The following CDH4 variants were observed in gnomAD, a reference collection of about 807,000 sequenced individuals.
CDH4 encodes cadherin 4.
Under a neutral mutation model 86.0 loss-of-function variants are expected in CDH4, and 33 were observed. That is an observed-to-expected ratio of 0.38 (90% CI 0.29 to 0.51). CDH4 has a LOEUF of 0.51. CDH4 is among the 20% of genes least tolerant of loss of function. The pLI is 0.86. For missense variants in CDH4, 1,114 were observed against 1,307.4 expected, an observed-to-expected ratio of 0.85 and a Z score of 2.28; for synonymous variants, 555 against 549.4, an observed-to-expected ratio of 1.01 and a Z score of -0.14.
At chr20:61,445,896 C>T (rs2085347384) in intron 2 of CDH4, among the ~76,000 whole-genome samples, 1 of 152,236 alleles carries the variant, frequency 6.6e-6, no homozygotes, top group African/African-American at 2.4e-5. Context: ...CTGAAGGAGG[C>T]CATCTGTGGG....
At chr20:61,543,445 G>T (rs774181934) in intron 2 of CDH4, among the ~76,000 whole-genome samples, 1 of 152,222 alleles carries the variant, frequency 6.6e-6, no homozygotes. Context: ...TTGGTTGGCA[G>T]TACTTGGTTG....
intron 2 of CDH4, among the ~76,000 whole-genome samples, chr20:61,355,984 C>G (rs891028200): frequency 1.3e-5 from 2 of 152,254 alleles, no homozygotes; most frequent in African/African-American, 4.8e-5. Flanking sequence ...GTTTCGGATG[C>G]ATAAAGTTTA....
intron 2 of CDH4, among the ~76,000 whole-genome samples, chr20:61,286,004 C>G (rs575704352): frequency 4.2e-4 from 64 of 152,322 alleles, no homozygotes; most frequent in South Asian, 1.7e-3. Flanking sequence ...TTTCCTTCCC[C>G]CTTCCTATGA....
chr20:61,326,205 C>T (rs1318340954), intron 2 of CDH4, among the ~76,000 whole-genome samples: 5 of 152,266 alleles, frequency 3.3e-5, no homozygotes, highest in Middle Eastern at 3.4e-3. Context: ...ACTTCTCCAC[C>T]GCACTGCCTT....
chr20:61,889,293 C>CATGGATGGATGG (rs59254816), intron 7 of CDH4, among the ~76,000 whole-genome samples: 17 of 141,852 alleles, frequency 1.2e-4, no homozygotes, highest in African/African-American at 3.4e-4. Context: ...CTCTTTAAAG[C>CATGGATGGATGG]ATGGATGGAT....
intron 4 of CDH4, among the ~76,000 whole-genome samples, chr20:61,795,135 ATG>A: frequency 1.3e-5 from 1 of 74,146 alleles, no homozygotes; most frequent in African/African-American, 5.5e-5. Flanking sequence ...GATGATGGAA[ATG>A]ATGGTAGTGG....
At chr20:61,363,351 G>T (rs566247932) in intron 2 of CDH4, among the ~76,000 whole-genome samples, 1 of 152,236 alleles carries the variant, frequency 6.6e-6, no homozygotes, top group East Asian at 1.9e-4. Flanking sequence ...CAGGAAAACA[G>T]ATAGATTCCT....
At chr20:61,721,763 C>T (rs1211224172) in intron 2 of CDH4, among the ~76,000 whole-genome samples, 1 of 152,190 alleles carries the variant, frequency 6.6e-6, no homozygotes, top group East Asian at 1.9e-4. Context: ...TATCAATCAC[C>T]TCCAAACTGA....
chr20:61,927,886 G>A (rs1343277688), intron 11 of CDH4, among the ~76,000 whole-genome samples: 2 of 151,994 alleles, frequency 1.3e-5, no homozygotes, highest in Non-Finnish European at 2.9e-5. Context: ...GTGGCTGTGT[G>A]CGTGTGTGCA....
chr20:61,358,918 G>A (rs879711405), intron 2 of CDH4, among the ~76,000 whole-genome samples: 100 of 152,270 alleles, frequency 6.6e-4, no homozygotes, highest in African/African-American at 2.1e-3. Flanking sequence ...GGTTTACTCC[G>A]TGATTCACCG....
chr20:61,467,789 C>G (rs766374769), intron 2 of CDH4, among the ~76,000 whole-genome samples: 7 of 152,202 alleles, frequency 4.6e-5, no homozygotes, highest in Non-Finnish European at 7.4e-5. Flanking sequence ...ACCACCCTCA[C>G]TGCTGACACC....
intron 2 of CDH4, among the ~76,000 whole-genome samples, chr20:61,344,539 T>C (rs2084666507): frequency 6.6e-6 from 1 of 152,218 alleles, no homozygotes; most frequent in Non-Finnish European, 1.5e-5. Context: ...AATGGCCTCA[T>C]GTATTTTTGT....
chr20:61,536,686 C>T (rs2085999832), intron 2 of CDH4, among the ~76,000 whole-genome samples: 2 of 152,256 alleles, frequency 1.3e-5, no homozygotes, highest in African/African-American at 4.8e-5. Context: ...TATGTGCATA[C>T]ATACGTCTAG....
At chr20:61,925,976 T>C (rs1374516480) in intron 11 of CDH4, among the ~76,000 whole-genome samples, 4 of 152,156 alleles carry the variant, frequency 2.6e-5, no homozygotes, top group Non-Finnish European at 4.4e-5. Context: ...CGCTGGGAAA[T>C]GGGGTCTTCT....
At position 61,827,401 on chromosome 20, in the gene CDH4, A is replaced by G. The variant is rs1353689968; in HGVS notation, c.577-17267A>G. Among the ~76,000 whole-genome samples the G allele has an allele frequency of 3.3e-5, 5 of 152,206 alleles. No individual in the cohort carries two copies. In the East Asian group the frequency reaches 9.6e-4, roughly 29 times the overall value. On this transcript the variant is annotated intron_variant, in intron 4 of 15. Coordinates refer to ENST00000614565, the MANE Select transcript of CDH4 (RefSeq NM_001794.5). ...TTGTTTGGGATTTATTGGTATTGCT[A>G]TTTTGAGACTGTTGTTTGTGTCCTA...
intron 2 of CDH4, among the ~76,000 whole-genome samples, chr20:61,464,554 C>T (rs1269258442): frequency 1.3e-5 from 2 of 152,196 alleles, no homozygotes; most frequent in Non-Finnish European, 2.9e-5. Flanking sequence ...GCACTTGGTC[C>T]CTGAGTAGTG....
At chr20:61,729,096 G>C (rs1229692774) in intron 2 of CDH4, among the ~76,000 whole-genome samples, 2 of 136,558 alleles carry the variant, frequency 1.5e-5, no homozygotes, top group Admixed American at 1.5e-4. Flanking sequence ...CATTAGCCCT[G>C]TTGCTCTGCG....
intron 6 of CDH4, among the ~76,000 whole-genome samples, chr20:61,872,668 C>G (rs1283025875): frequency 1.4e-4 from 21 of 152,358 alleles, no homozygotes; most frequent in Admixed American, 9.8e-4. Context: ...GCATCTCAGG[C>G]AGCCAGCAGG....
chr20:61,632,681 CCT>C (rs2086901699), intron 2 of CDH4, among the ~76,000 whole-genome samples: 1 of 151,320 alleles, frequency 6.6e-6, no homozygotes, highest in African/African-American at 2.4e-5. Context: ...CCCTTCCTCC[CCT>C]CTCACTTCCC....
Sources: allele counts gnomAD v4.1 joint callset (sites outside exome capture counted in the v4.1 genomes callset), GRCh38; gene constraint gnomAD v4.1.1; transcripts MANE v1.5; gene names NCBI Gene and HGNC (gene_info 2026-07-23, HGNC 2026-07-21).